RABGAP1L: variants seen among roughly 807,000 people sequenced by gnomAD.
RABGAP1L encodes rab GTPase-activating protein 1-like.
Under a neutral mutation model 137.7 loss-of-function variants are expected in RABGAP1L, and 63 were observed. The ratio of observed to expected loss-of-function variants is 0.46; its 90% CI spans 0.37 to 0.56. RABGAP1L has a LOEUF of 0.56. RABGAP1L is among the 20% of genes least tolerant of loss of function. The probability of loss-of-function intolerance (pLI) is 0.00; values close to 1 mark genes in which losing one functional copy is unlikely to be tolerated. For synonymous variants in RABGAP1L, 431 were observed against 433.7 expected, an observed-to-expected ratio of 0.99 and a Z score of 0.08; for missense variants, 1,095 against 1,244.0, an observed-to-expected ratio of 0.88 and a Z score of 1.80.
intron 14 of RABGAP1L, among the ~76,000 whole-genome samples, chr1:174,679,992 G>A (rs562699305): frequency 6.6e-6 from 1 of 151,954 alleles, no homozygotes; most frequent in East Asian, 1.9e-4. Flanking sequence ...AGAAAACATG[G>A]GAAAAAATAT....
chr1:174,615,428 C>T (rs899106739), intron 13 of RABGAP1L, among the ~76,000 whole-genome samples: 4 of 152,186 alleles, frequency 2.6e-5, no homozygotes, highest in African/African-American at 7.2e-5. Flanking sequence ...CTGATCGTTA[C>T]TCTGGAAGTT....
chr1:174,315,900 T>A (rs1395184831), intron 11 of RABGAP1L, among the ~76,000 whole-genome samples: 1 of 152,156 alleles, frequency 6.6e-6, no homozygotes, highest in Non-Finnish European at 1.5e-5. Context: ...TTTTTAAAGA[T>A]CCTGTAGGCA....
intron 13 of RABGAP1L, among the ~76,000 whole-genome samples, chr1:174,454,261 CA>C (rs536002522): frequency 6.7e-6 from 1 of 148,450 alleles, no homozygotes; most frequent in African/African-American, 2.5e-5. Context: ...GGCTCCATTT[CA>C]AAAAAAAAGA....
rs1198213457 is a variant in RABGAP1L, at chr1:174,533,480, C to T, written c.1711-103895C>T. Among the ~76,000 whole-genome samples, 5 of 150,034 alleles carry T rather than the reference C, an allele frequency of 3.3e-5. No individual in the cohort carries two copies. The South Asian group carries it at 1.0e-3, about 31-fold the overall frequency. ...GACAACAAGAACAATCCCTCCTCTT[C>T]CTCCTCCTCCTCAGCCTACTCAGTG... On this transcript the variant is annotated intron_variant, in intron 13 of 25. Transcript: ENST00000681986.
intron 13 of RABGAP1L, among the ~76,000 whole-genome samples, chr1:174,618,042 T>C (rs1403335803): frequency 1.3e-5 from 2 of 152,166 alleles, no homozygotes; most frequent in African/African-American, 4.8e-5. Flanking sequence ...GCCTCACTCA[T>C]TGCTAGCACA....
intron 19 of RABGAP1L, among the ~76,000 whole-genome samples, chr1:174,945,292 A>G (rs1666558755): frequency 2.6e-5 from 4 of 152,178 alleles, no homozygotes; most frequent in Admixed American, 2.6e-4. Flanking sequence ...TCATTCCATT[A>G]CTCTCCAAAT....
At chr1:174,619,312 A>C (rs1672218180) in intron 13 of RABGAP1L, among the ~76,000 whole-genome samples, 2 of 152,238 alleles carry the variant, frequency 1.3e-5, no homozygotes, top group South Asian at 4.1e-4. Flanking sequence ...CTCCTCGAGA[A>C]GAGCAACTCT....
intron 7 of RABGAP1L, among the ~76,000 whole-genome samples, chr1:174,262,008 G>A (rs1365491276): frequency 2.6e-5 from 4 of 152,150 alleles, no homozygotes; most frequent in African/African-American, 4.8e-5. Flanking sequence ...TTACTCACTT[G>A]TCCTTTTTGT....
In RABGAP1L at chr1:174,590,051, A is replaced by G. The variant is rs189201241; in HGVS notation, c.1711-47324A>G. On this transcript the variant is annotated intron_variant, in intron 13 of 25. Coordinates refer to ENST00000681986, the MANE Select transcript of RABGAP1L (RefSeq NM_001366446.1). ...ACTGAATCTGCACATTGCTTTGGAC[A>G]TTTTAACAATATTGATTCTTCTAAT... 1.5e-4 allele frequency among the ~76,000 whole-genome samples: 22 copies of G among 149,466 alleles called. 1 individual carries two copies. The highest frequency in any genetic ancestry group is 3.1e-4 in the Non-Finnish European group (21 of 67,624).
At chr1:174,307,202 T>A (rs1678362282) in intron 11 of RABGAP1L, among the ~76,000 whole-genome samples, 1 of 152,216 alleles carries the variant, frequency 6.6e-6, no homozygotes, top group Non-Finnish European at 1.5e-5. Context: ...GTCCAGGCTA[T>A]CTGACTTTAA....
chr1:174,799,703 C>T (rs919429867), intron 18 of RABGAP1L, among the ~76,000 whole-genome samples: 1 of 151,844 alleles, frequency 6.6e-6, no homozygotes, highest in African/African-American at 2.4e-5. Context: ...TCACCTACCT[C>T]CTCCTCTTCC....
intron 13 of RABGAP1L, among the ~76,000 whole-genome samples, chr1:174,549,709 A>G (rs1666284080): frequency 6.6e-6 from 1 of 152,232 alleles, no homozygotes; most frequent in African/African-American, 2.4e-5. Context: ...TTTTTTTCCT[A>G]CAAATAGTAT....
intron 13 of RABGAP1L, among the ~76,000 whole-genome samples, chr1:174,501,994 A>G (rs575078061): frequency 6.6e-6 from 1 of 151,800 alleles, no homozygotes; most frequent in East Asian, 1.9e-4. Flanking sequence ...TTTTACTAGA[A>G]CTACTATTAT....
chr1:174,988,199 T>A (rs1398502356), intron 24 of RABGAP1L, among the ~76,000 whole-genome samples: 1 of 152,206 alleles, frequency 6.6e-6, no homozygotes, highest in Non-Finnish European at 1.5e-5. Flanking sequence ...TTTAGGTTAG[T>A]CATGATGACC....
intron 13 of RABGAP1L, among the ~76,000 whole-genome samples, chr1:174,589,887 T>G (rs1272441216): frequency 6.6e-6 from 1 of 152,162 alleles, no homozygotes; most frequent in Non-Finnish European, 1.5e-5. Flanking sequence ...TGAAGTCAGG[T>G]AATGTGAGTT....
At chr1:174,550,985 T>TATATATATAC (rs1558334277) in intron 13 of RABGAP1L, among the ~76,000 whole-genome samples, 2 of 92,680 alleles carry the variant, frequency 2.2e-5, no homozygotes, top group Non-Finnish European at 3.6e-5. Context: ...TATATATACA[T>TATATATATAC]ATATATATAT....
chr1:174,748,433 C>A (rs1272640850), intron 17 of RABGAP1L, among the ~76,000 whole-genome samples: 1 of 152,146 alleles, frequency 6.6e-6, no homozygotes, highest in African/African-American at 2.4e-5. Flanking sequence ...CCAAAAACAT[C>A]TGAGATGGGT....
intron 13 of RABGAP1L, among the ~76,000 whole-genome samples, chr1:174,533,518 C>A (rs144485831): frequency 6.6e-6 from 1 of 151,960 alleles, no homozygotes; most frequent in South Asian, 2.1e-4. Context: ...AAGACGATGA[C>A]GATGAAGACT....
At position 174,503,658 on chromosome 1, in the gene RABGAP1L, CAAA is replaced by C. The variant is rs61588327; in HGVS notation, c.1710+109528_1710+109530del. Among the ~76,000 whole-genome samples the C allele has an allele frequency of 3.1e-3, 318 of 103,626 alleles. 4 individuals are homozygous for C. Among genetic ancestry groups the C allele is most frequent in the African/African-American group, 8.5e-3 (282 of 33,186 alleles). The allele number at this position is 103,626 out of a possible 152,430, so 68.0% of individuals were successfully genotyped here. On this transcript the variant is annotated intron_variant, in intron 13 of 25. Coordinates refer to ENST00000681986, the MANE Select transcript of RABGAP1L (RefSeq NM_001366446.1). ...CCTGGGCAACAGAGCGAGACTCCGT[CAAA>C]AAAAAAAAAAAAAAGAAATGTAAAT...
Sources: gnomAD v4.1 joint callset for allele counts (sites outside exome capture counted in the v4.1 genomes callset) on GRCh38, gnomAD v4.1.1 for gene constraint, MANE v1.5 for transcripts, NCBI Gene and HGNC (gene_info 2026-07-23, HGNC 2026-07-21) for gene names.